The following POU5F1 variants were observed in gnomAD, a reference collection of about 807,000 sequenced individuals.
The protein encoded by POU5F1 is POU class 5 homeobox 1.
In POU5F1, 6 loss-of-function variants were observed where a neutral mutation model predicts 38.3. That is an observed-to-expected ratio of 0.16 (90% CI 0.09 to 0.31). POU5F1 has a LOEUF of 0.31. Ranked by LOEUF, POU5F1 falls within the 10% of genes least tolerant of loss-of-function variation. The pLI is 1.00. For missense variants in POU5F1, 286 were observed against 462.6 expected (o/e 0.62, Z 3.50); for synonymous variants, 147 against 194.9 (o/e 0.75, Z 2.05).
At chr6:31,168,553 A>G (rs1777449863) in intron 1 of POU5F1, among the ~76,000 whole-genome samples, 1 of 152,202 alleles carries the variant, frequency 6.6e-6, no homozygotes, top group African/African-American at 2.4e-5. Context: ...GGCCACAGAC[A>G]GTAGGGAGGA....
chr6:31,165,425 A>C lies in POU5F1; in HGVS notation c.658-139T>G. 6.4e-7 allele frequency: 1 copy of C among 1,565,042 alleles called. No individual in the cohort carries two copies. Among genetic ancestry groups the C allele is most frequent in the Non-Finnish European group, 8.7e-7 (1 of 1,152,888 alleles). ...AGGATCCTGGAAGGGTTGGCTCTGGACCTTATCCCAGCAGAACTGAGGAAT... is the reference window on the plus strand; with the variant it reads ...AGGATCCTGGAAGGGTTGGCTCTGGCCCTTATCCCAGCAGAACTGAGGAAT... On this transcript the variant is annotated intron_variant, in intron 3 of 4. Transcript: ENST00000259915. The surrounding 1 kb of genome is among the most constrained non-coding windows in gnomAD (Gnocchi z 6.5).
rs1777166338 is a variant in POU5F1, at chr6:31,165,586, A to T, written c.642T>A (p.Asn214Lys). 13 of 1,614,056 alleles carry T rather than the reference A, an allele frequency of 8.1e-6. No homozygotes were observed. Among genetic ancestry groups the T allele is most frequent in the Non-Finnish European group, 1.1e-5 (13 of 1,180,028 alleles). Residue 214 changes from asparagine (N) to lysine (K), a missense_variant, in exon 3 of 5, where the codon AAT becomes AAA. Transcript: ENST00000259915. The surrounding 1 kb of genome is among the most constrained non-coding windows in gnomAD (Gnocchi z 6.5). Reference sequence around the variant, plus strand: ...CCACCCTTACCTCCTGAAGATTTTCATTGTTGTCAGCTTCCTCCACCCACT... The same window carrying T: ...CCACCCTTACCTCCTGAAGATTTTCTTTGTTGTCAGCTTCCTCCACCCACT... ...LQKWVEEADN[N>K]ENLQEICKAE...
intron 1 of POU5F1, chr6:31,169,902 G>A (rs1777534566): frequency 3.8e-6 from 2 of 521,394 alleles, no homozygotes; most frequent in East Asian, 6.5e-5. Flanking sequence ...CCCTGGGCAG[G>A]CCTAGGAGAT....
At chr6:31,168,223 C>T (rs1777418887) in intron 1 of POU5F1, among the ~76,000 whole-genome samples, 1 of 148,084 alleles carries the variant, frequency 6.8e-6, no homozygotes, top group South Asian at 2.2e-4. Flanking sequence ...TGTGAACCAC[C>T]GCACCTAGCC....
intron 1 of POU5F1, 42 bp downstream of exon 1, chr6:31,170,174 T>C (rs1377495854): frequency 4.3e-6 from 7 of 1,612,400 alleles, no homozygotes; most frequent in Admixed American, 1.7e-5. Flanking sequence ...TGCCCTGTCA[T>C]GACCACCTCC....
At position 31,165,529 on chromosome 6, in the gene POU5F1, CAAGA is replaced by C. The variant is rs979017267; in HGVS notation, c.657+38_657+41del. 1 of 1,611,870 alleles carries C rather than the reference CAAGA, an allele frequency of 6.2e-7. No individual in the cohort carries two copies. Among genetic ancestry groups the C allele is most frequent in the Non-Finnish European group, 8.5e-7 (1 of 1,179,758 alleles). The stretch of plus-strand genomic sequence containing the variant: ...GTGATGGAAGCAATGGAAATTAGGC[CAAGA>C]AAGGGAAGGTCCCCGGGTATCCCCC... On this transcript the variant is annotated intron_variant, in intron 3 of 4. Coordinates refer to ENST00000259915, the MANE Select transcript of POU5F1 (RefSeq NM_002701.6). The surrounding 1 kb of genome is among the most constrained non-coding windows in gnomAD (Gnocchi z 6.5).
rs910240285 is a variant in POU5F1 at position 31,165,944 on chromosome 6, G to A, written c.509C>T (p.Thr170Ile). ...LGYTQADVGL[T>I]LGVLFGKVFS... is the part of the protein sequence containing the mutation. ...GAACCCACCAAATAGAACCCCCAGG[G>A]TGAGCCCCACATCGGCCTGTGTATA... Residue 170 changes from threonine to isoleucine, a missense_variant, in exon 2 of 5, where the codon ACC (threonine) becomes ATC (isoleucine). This residue lies in a region of POU5F1 where 110 missense variants were observed against 277.8 expected (regional missense o/e 0.40). Coordinates refer to ENST00000259915, the MANE Select transcript of POU5F1 (RefSeq NM_002701.6). This position sits in a 1 kb window ranked among gnomAD's most constrained non-coding sequence, Gnocchi z 6.5. The A allele has an allele frequency of 4.3e-6, 7 of 1,613,980 alleles. No individual in the cohort carries two copies.
At position 31,164,876 on chromosome 6, in the gene POU5F1, G is replaced by A. The variant is rs763069787; in HGVS notation, c.817-9C>T. On this transcript the variant is annotated splice_polypyrimidine_tract_variant and intron_variant, in intron 4 of 4. Coordinates refer to ENST00000259915, the MANE Select transcript of POU5F1 (RefSeq NM_002701.6). ...AACCACACTCGGACCACCTGCAAGT[G>A]AATGACAGAAAGGAGAATGACATTA... The A allele has an allele frequency of 2.7e-5, 43 of 1,607,620 alleles. No individual in the cohort carries two copies. Among genetic ancestry groups the A allele is most frequent in the Non-Finnish European group, 3.3e-5 (39 of 1,178,034 alleles).
At position 31,165,601 on chromosome 6, in the gene POU5F1, C is replaced by T. The variant is rs1341968669; in HGVS notation, c.627G>A (p.Glu209=). ...GAAGATTTTCATTGTTGTCAGCTTC[C>T]TCCACCCACTTCTGCAGCAAGGGCC... ...KLRPLLQKWV[E]EADNNENLQE... Residue 209 remains glutamate, a synonymous_variant, in exon 3 of 5, where the codon GAG becomes GAA. Transcript: ENST00000259915. The surrounding 1 kb of genome is among the most constrained non-coding windows in gnomAD (Gnocchi z 6.5). 3.1e-6 allele frequency: 5 copies of T among 1,614,152 alleles called. No homozygotes were observed. Among genetic ancestry groups the T allele is most frequent in the Non-Finnish European group, 4.2e-6 (5 of 1,180,036 alleles).
In POU5F1 at chr6:31,165,099, T is replaced by C. The variant is rs1449357323; in HGVS notation, c.816+29A>G. On this transcript the variant is annotated intron_variant, in intron 4 of 4. Transcript: ENST00000259915. The surrounding 1 kb of genome is among the most constrained non-coding windows in gnomAD (Gnocchi z 6.5). ...GCGAGGTGGTGACAGGGGAAAGAGATGGAGCCCGCAGAGAGACATGGCACT... is the reference window on the plus strand; with the variant it reads ...GCGAGGTGGTGACAGGGGAAAGAGACGGAGCCCGCAGAGAGACATGGCACT... 1 of 1,599,134 alleles carries C rather than the reference T, an allele frequency of 6.3e-7. No homozygotes were observed. The highest frequency in any genetic ancestry group is 8.5e-7 in the Non-Finnish European group (1 of 1,173,250).
chr6:31,167,103 G>A (rs1054562013), intron 1 of POU5F1: 2 of 485,740 alleles, frequency 4.1e-6, no homozygotes, highest in Non-Finnish European at 7.8e-6. Flanking sequence ...CATGACAGAA[G>A]TGCTATTTGG....
At position 31,166,672 on chromosome 6, in the gene POU5F1, A is replaced by G; in HGVS notation, c.406-625T>C. ...AGACTCTGTCTCAAAGAAAAAAAAA[A>G]AAGAAGATAGTTCATTTAATACCTG... On this transcript the variant is annotated intron_variant, in intron 1 of 4. Coordinates refer to ENST00000259915, the MANE Select transcript of POU5F1 (RefSeq NM_002701.6). 2.6e-6 allele frequency: 3 copies of G among 1,166,908 alleles called. No individual in the cohort carries two copies. The South Asian group carries it at 7.2e-5, about 28-fold the overall frequency. The allele number at this position is 1,166,908 out of a possible 1,614,324, so 72.3% of individuals were successfully genotyped here. A position where few individuals can be genotyped will look rare whatever the true frequency, so the allele number is the denominator to read the frequency against.
chr6:31,168,348 G>A (rs1419763569), intron 1 of POU5F1, among the ~76,000 whole-genome samples: 1 of 150,968 alleles, frequency 6.6e-6, no homozygotes, highest in Non-Finnish European at 1.5e-5. Flanking sequence ...CGATTCTCCT[G>A]CCTCAGCTTC....
In POU5F1 at chr6:31,165,836, G is replaced by A; in HGVS notation, c.526+91C>T. ...TCCCTCTCCCTACTCCTCTTCATGG[G>A]TGAGGGTAGTCTGCCCCTGCCCCTC... On this transcript the variant is annotated intron_variant, in intron 2 of 4. Transcript: ENST00000259915. The surrounding 1 kb of genome is among the most constrained non-coding windows in gnomAD (Gnocchi z 6.5). The A allele has an allele frequency of 6.6e-7, 1 of 1,504,114 alleles. No individual in the cohort carries two copies. The highest frequency in any genetic ancestry group is 2.4e-5 in the East Asian group (1 of 40,978). 93.2% of individuals were successfully genotyped at this position (1,504,114 alleles called of 1,614,324 possible). A position where few individuals can be genotyped will look rare whatever the true frequency, so the allele number is the denominator to read the frequency against.
intron 1 of POU5F1, among the ~76,000 whole-genome samples, chr6:31,168,447 C>T (rs1185158268): frequency 1.3e-5 from 2 of 152,096 alleles, no homozygotes; most frequent in Non-Finnish European, 2.9e-5. Flanking sequence ...GTTGGTCAGG[C>T]TGGACTCGAA....
rs1161176813 is a variant in POU5F1 at position 31,165,733 on chromosome 6, T to C, written c.527-32A>G. 6.3e-7 allele frequency: 1 copy of C among 1,591,984 alleles called. No homozygotes were observed. The highest frequency in any genetic ancestry group is 8.6e-7 in the Non-Finnish European group (1 of 1,168,394). The stretch of plus-strand genomic sequence containing the variant: ...GAGGCCAGTCAAAAGAGAAGCAAAG[T>C]GAGGGAGCACGCAGGGCCCTTGTGA... On this transcript the variant is annotated intron_variant, in intron 2 of 4. Transcript: ENST00000259915. The surrounding 1 kb of genome is among the most constrained non-coding windows in gnomAD (Gnocchi z 6.5).
At position 31,164,887 on chromosome 6, in the gene POU5F1, A is replaced by G; in HGVS notation, c.817-20T>C. On this transcript the variant is annotated intron_variant, in intron 4 of 4. Transcript: ENST00000259915. Reference sequence around the variant, plus strand: ...GACCACCTGCAAGTGAATGACAGAAAGGAGAATGACATTAGACAATGAGCT... The same window carrying G: ...GACCACCTGCAAGTGAATGACAGAAGGGAGAATGACATTAGACAATGAGCT... 1 of 1,596,218 alleles carries G rather than the reference A, an allele frequency of 6.3e-7. No individual in the cohort carries two copies. The highest frequency in any genetic ancestry group is 8.5e-7 in the Non-Finnish European group (1 of 1,174,900).
rs771024256 is a variant in POU5F1, at chr6:31,164,622, G to A, written c.1062C>T (p.Gly354=). 2.5e-6 allele frequency: 4 copies of A among 1,581,270 alleles called. No homozygotes were observed. Among genetic ancestry groups the A allele is most frequent in the Non-Finnish European group, 3.4e-6 (4 of 1,163,354 alleles). The change falls in exon 5 of 5, where the codon GGC becomes GGT. Residue 354 remains glycine, a synonymous_variant. Coordinates refer to ENST00000259915, the MANE Select transcript of POU5F1 (RefSeq NM_002701.6). The part of the protein sequence containing the change: ...AFPPVSVTTL[G]SPMHSN ...CACCTCAGTTTGAATGCATGGGAGA[G>A]CCCAGAGTGGTGACGGAGACAGGGG...
rs780186724 is a variant in POU5F1, at chr6:31,170,627, G to A, written c.-7C>T. The A allele has an allele frequency of 1.9e-6, 3 of 1,549,600 alleles. No homozygotes were observed. Among genetic ancestry groups the A allele is most frequent in the South Asian group, 1.2e-5 (1 of 84,068 alleles). On this transcript the variant is annotated 5_prime_UTR_variant, in exon 1 of 5. Coordinates refer to ENST00000259915, the MANE Select transcript of POU5F1 (RefSeq NM_002701.6). ...AAGCCAGGTGTCCCGCCATGGGGAA[G>A]GAAGGCGCCCCAAGCCGGGGGCCTG...
Sources: gnomAD v4.1 joint callset for allele counts (sites outside exome capture counted in the v4.1 genomes callset) on GRCh38, gnomAD v4.1.1 for gene constraint, gnomAD v4.1.1 regional missense constraint, Gnocchi (gnomAD v3.1) non-coding constraint, MANE v1.5 for transcripts, NCBI Gene and HGNC (gene_info 2026-07-23, HGNC 2026-07-21) for gene names.